The following SLC17A8 variants were observed in gnomAD, a reference collection of about 807,000 sequenced individuals.
SLC17A8 encodes the protein solute carrier family 17 member 8.
In SLC17A8, 31 loss-of-function variants were observed where a neutral mutation model predicts 58.0. The ratio of observed to expected loss-of-function variants is 0.53; its 90% CI spans 0.40 to 0.72. The LOEUF (loss-of-function observed/expected upper bound fraction) is 0.72, where lower values mean the gene tolerates loss of function less well. Among genes scored for constraint, SLC17A8 ranks in the 30% least tolerant of loss-of-function variants. SLC17A8 has a pLI of 0.00. For missense variants in SLC17A8, 655 were observed against 727.8 expected, an observed-to-expected ratio of 0.90 and a Z score of 1.15; for synonymous variants, 228 against 249.0, an observed-to-expected ratio of 0.92 and a Z score of 0.79.
intron 1 of SLC17A8, among the ~76,000 whole-genome samples, chr12:100,379,242 C>T (rs1353850346): frequency 6.6e-6 from 1 of 152,034 alleles, no homozygotes; most frequent in East Asian, 1.9e-4. Context: ...CGAAACCATC[C>T]TGGCTAACAC....
intron 4 of SLC17A8, among the ~76,000 whole-genome samples, chr12:100,394,485 T>C (rs927360483): frequency 6.9e-6 from 1 of 144,998 alleles, no homozygotes; most frequent in Non-Finnish European, 1.5e-5. Flanking sequence ...CGTTGCAACA[T>C]CTGCCTCCCA....
At chr12:100,380,410 C>G (rs919383408) in intron 1 of SLC17A8, among the ~76,000 whole-genome samples, 4 of 151,778 alleles carry the variant, frequency 2.6e-5, no homozygotes, top group African/African-American at 9.7e-5. Context: ...CACTGTCTAC[C>G]TCATGGGGTT....
chr12:100,374,156 A>G (rs61941776), intron 1 of SLC17A8, among the ~76,000 whole-genome samples: 5,879 of 152,258 alleles, frequency 0.039, 144 homozygotes, highest in Non-Finnish European at 0.061. Context: ...TTTGCCCCCA[A>G]GTCACACAGC....
intron 1 of SLC17A8, among the ~76,000 whole-genome samples, chr12:100,380,446 A>G (rs907184197): frequency 5.3e-5 from 8 of 151,752 alleles, no homozygotes; most frequent in Non-Finnish European, 1.2e-4. Flanking sequence ...TGATTGATTG[A>G]ATGTTTATAA....
intron 9 of SLC17A8, among the ~76,000 whole-genome samples, chr12:100,411,989 T>G (rs1952871459): frequency 6.6e-6 from 1 of 152,180 alleles, no homozygotes; most frequent in East Asian, 1.9e-4. Flanking sequence ...AGTTTTCTGG[T>G]TGCTTTTGGC....
intron 5 of SLC17A8, among the ~76,000 whole-genome samples, chr12:100,400,693 G>GT (rs1952784850): frequency 6.6e-6 from 1 of 152,222 alleles, no homozygotes; most frequent in East Asian, 1.9e-4. Context: ...TGAAGCAAGA[G>GT]TTTTTTCATT....
At chr12:100,404,727 G>T (rs918463331) in intron 9 of SLC17A8, among the ~76,000 whole-genome samples, 2 of 152,108 alleles carry the variant, frequency 1.3e-5, no homozygotes, top group Admixed American at 6.5e-5. Flanking sequence ...TGCTTTCTGT[G>T]CCAGACACTA....
intron 1 of SLC17A8, among the ~76,000 whole-genome samples, chr12:100,362,384 AT>A (rs1378162038): frequency 1.3e-5 from 2 of 151,942 alleles, no homozygotes; most frequent in Non-Finnish European, 2.9e-5. Flanking sequence ...AGTTTTATTT[AT>A]TTTTTTATTT....
At chr12:100,384,590 A>G (rs895277149) in intron 2 of SLC17A8, among the ~76,000 whole-genome samples, 10 of 152,126 alleles carry the variant, frequency 6.6e-5, no homozygotes, top group Non-Finnish European at 1.2e-4. Flanking sequence ...CAAACAAAAA[A>G]TGGTAGTGGG....
At chr12:100,403,281 C>CAACA (rs3057198) in intron 8 of SLC17A8, among the ~76,000 whole-genome samples, 15,064 of 151,960 alleles carry the variant, frequency 0.099, 1,432 homozygotes, top group East Asian at 0.54. Flanking sequence ...CCAGCCTGAC[C>CAACA]AACATGGCAA....
rs757543016 is a variant in SLC17A8 at position 100,403,990 on chromosome 12, C to T, written c.1054-48C>T. On this transcript the variant is annotated intron_variant, in intron 8 of 11. Coordinates refer to ENST00000323346, the MANE Select transcript of SLC17A8 (RefSeq NM_139319.3). ...GTGGGCAAGGGAATTAGGGAGGCCCCTCTCTCAGAAATAATGACAAACTGC... is the reference window on the plus strand; with the variant it reads ...GTGGGCAAGGGAATTAGGGAGGCCCTTCTCTCAGAAATAATGACAAACTGC... 1.9e-6 allele frequency: 3 copies of T among 1,612,318 alleles called. No individual in the cohort carries two copies. The South Asian group carries it at 3.3e-5, about 18-fold the overall frequency.
At chr12:100,378,576 C>T (rs994306567) in intron 1 of SLC17A8, among the ~76,000 whole-genome samples, 47 of 151,580 alleles carry the variant, frequency 3.1e-4, no homozygotes, top group African/African-American at 1.1e-3. Flanking sequence ...TTATAGGCAA[C>T]AGGAATGATC....
intron 11 of SLC17A8, among the ~76,000 whole-genome samples, chr12:100,418,880 T>G (rs1952926816): frequency 6.6e-6 from 1 of 152,238 alleles, no homozygotes; most frequent in Admixed American, 6.5e-5. Flanking sequence ...TTCTTACTTT[T>G]TGACAGAAAA....
Position 100,418,012 on chromosome 12 carries a change from T to A in SLC17A8, c.1298-17T>A, listed in dbSNP as rs11568538. 1.1e-4 allele frequency: 170 copies of A among 1,613,982 alleles called. 1 individual carries two copies. In the East Asian group the frequency reaches 3.5e-3, roughly 33 times the overall value. ...TCTGTTCTTGACTCTGATTTTGAGG[T>A]TTTGGCTTCACTGTAGGTTTTAATG... On this transcript the variant is annotated splice_polypyrimidine_tract_variant and intron_variant, in intron 10 of 11. Coordinates refer to ENST00000323346, the MANE Select transcript of SLC17A8 (RefSeq NM_139319.3).
chr12:100,371,199 C>T (rs1952556660), intron 1 of SLC17A8, among the ~76,000 whole-genome samples: 1 of 152,176 alleles, frequency 6.6e-6, no homozygotes, highest in Admixed American at 6.5e-5. Context: ...CATTTTGTAA[C>T]TCGGTCTCAT....
At chr12:100,371,026 A>C (rs1476285565) in intron 1 of SLC17A8, among the ~76,000 whole-genome samples, 1 of 152,206 alleles carries the variant, frequency 6.6e-6, no homozygotes, top group African/African-American at 2.4e-5. Context: ...GGCCAGGTGC[A>C]CTTTATTGAG....
chr12:100,415,840 G>C (rs1371808663), intron 10 of SLC17A8, among the ~76,000 whole-genome samples: 1 of 152,154 alleles, frequency 6.6e-6, no homozygotes, highest in Non-Finnish European at 1.5e-5. Context: ...GGTTTAACTT[G>C]CCGAGTGAAG....
intron 9 of SLC17A8, among the ~76,000 whole-genome samples, chr12:100,408,992 C>T (rs1018684579): frequency 8.5e-5 from 13 of 152,220 alleles, no homozygotes; most frequent in Admixed American, 4.6e-4. Flanking sequence ...ATTATTAGTT[C>T]TTGCCCTTCT....
chr12:100,400,989 AC>A (rs1485215986), intron 5 of SLC17A8, among the ~76,000 whole-genome samples: 1 of 121,948 alleles, frequency 8.2e-6, no homozygotes, highest in Non-Finnish European at 1.7e-5. Flanking sequence ...TTAATTGTTC[AC>A]CCCTCACCTT....
Sources: allele counts gnomAD v4.1 joint callset (sites outside exome capture counted in the v4.1 genomes callset), GRCh38; gene constraint gnomAD v4.1.1; transcripts MANE v1.5; gene names NCBI Gene and HGNC (gene_info 2026-07-23, HGNC 2026-07-21).